CLOCK: variants seen among roughly 807,000 people sequenced by gnomAD.
The protein encoded by CLOCK is circadian locomoter output cycles protein kaput.
Under a neutral mutation model 118.4 loss-of-function variants are expected in CLOCK, and 43 were observed. The observed-to-expected ratio is 0.36, with a 90% confidence interval of 0.28 to 0.47. The LOEUF is 0.47. Among genes scored for constraint, CLOCK ranks in the 20% least tolerant of loss-of-function variants. The probability of loss-of-function intolerance (pLI) is 1.00; values close to 1 mark genes in which losing one functional copy is unlikely to be tolerated. For synonymous variants in CLOCK, 326 were observed against 339.2 expected (o/e 0.96, Z 0.43); for missense variants, 846 against 999.9 (o/e 0.85, Z 2.08).
chr4:55,512,365 G>A (rs1577831410), intron 1 of CLOCK, among the ~76,000 whole-genome samples: 1 of 143,408 alleles, frequency 7.0e-6, no homozygotes, highest in East Asian at 2.3e-4. Context: ...GCTTCTTGAG[G>A]TTTGTATATC....
At chr4:55,488,178 A>C (rs1727422883) in intron 3 of CLOCK, among the ~76,000 whole-genome samples, 2 of 152,132 alleles carry the variant, frequency 1.3e-5, no homozygotes, top group Non-Finnish European at 2.9e-5. Flanking sequence ...TTTATTAAAT[A>C]CCTTCTTTTC....
intron 2 of CLOCK, among the ~76,000 whole-genome samples, chr4:55,503,978 T>A (rs1431928062): frequency 0.013 from 930 of 70,714 alleles, no homozygotes; most frequent in Middle Eastern, 0.037. Flanking sequence ...CAAAAAGAGG[T>A]AAAAAAAAAA....
At chr4:55,459,031 G>A (rs768601258) in intron 10 of CLOCK, 21 bp from the exon 11 acceptor site, 5 of 1,578,832 alleles carry the variant, frequency 3.2e-6, no homozygotes, top group Middle Eastern at 1.7e-4. Context: ...AGGGAAATAT[G>A]TATCATCAGT....
chr4:55,521,892 A>G (rs1729867724), intron 1 of CLOCK, among the ~76,000 whole-genome samples: 1 of 152,250 alleles, frequency 6.6e-6, no homozygotes, highest in South Asian at 2.1e-4. Flanking sequence ...TAGCTACAAT[A>G]ATTTGAAGAA....
chr4:55,507,919 C>T (rs1186858571), intron 2 of CLOCK, among the ~76,000 whole-genome samples: 3 of 152,102 alleles, frequency 2.0e-5, no homozygotes, highest in African/African-American at 4.8e-5. Context: ...AGCAAACCAC[C>T]AAGACTCCTG....
intron 5 of CLOCK, among the ~76,000 whole-genome samples, chr4:55,479,421 A>G (rs1404287788): frequency 6.6e-6 from 1 of 152,154 alleles, no homozygotes; most frequent in African/African-American, 2.4e-5. Context: ...CAGATTTTCT[A>G]ATTCAGTTTC....
At chr4:55,493,662 T>C (rs1203225334) in intron 2 of CLOCK, among the ~76,000 whole-genome samples, 1 of 152,218 alleles carries the variant, frequency 6.6e-6, no homozygotes, top group Admixed American at 6.5e-5. Flanking sequence ...TAAACAGTGG[T>C]TCTCAATTTA....
At chr4:55,499,563 C>T (rs2109983369) in intron 2 of CLOCK, among the ~76,000 whole-genome samples, 1 of 152,362 alleles carries the variant, frequency 6.6e-6, no homozygotes, top group South Asian at 2.1e-4. Context: ...GAATCTAATG[C>T]TGCTACTGAT....
intron 11 of CLOCK, among the ~76,000 whole-genome samples, chr4:55,457,869 T>C (rs1398444060): frequency 2.0e-5 from 3 of 152,198 alleles, no homozygotes; most frequent in Non-Finnish European, 4.4e-5. Flanking sequence ...TAAGCCTGTT[T>C]CCTTATAATG....
chr4:55,503,925 T>C (rs1035144453), intron 2 of CLOCK, among the ~76,000 whole-genome samples: 2 of 145,704 alleles, frequency 1.4e-5, no homozygotes, highest in African/African-American at 2.5e-5. Context: ...TCAATTTTTC[T>C]TTATTACATT....
intron 1 of CLOCK, among the ~76,000 whole-genome samples, chr4:55,523,665 T>C (rs1010093028): frequency 6.6e-6 from 1 of 152,172 alleles, no homozygotes; most frequent in African/African-American, 2.4e-5. Context: ...AGGTTTCATA[T>C]ACATCTCTAA....
At chr4:55,537,397 T>C (rs1340970383) in intron 1 of CLOCK, among the ~76,000 whole-genome samples, 1 of 152,104 alleles carries the variant, frequency 6.6e-6, no homozygotes, top group African/African-American at 2.4e-5. Flanking sequence ...GGCAAGTGGA[T>C]TGCCTGAGCT....
At chr4:55,484,294 A>G (rs1727139885) in intron 3 of CLOCK, among the ~76,000 whole-genome samples, 1 of 152,040 alleles carries the variant, frequency 6.6e-6, no homozygotes. Context: ...GGCCTCAAGC[A>G]ATCCTGCCAC....
chr4:55,440,896 T>C (rs1723313183), intron 21 of CLOCK, among the ~76,000 whole-genome samples: 1 of 152,152 alleles, frequency 6.6e-6, no homozygotes, highest in South Asian at 2.1e-4. Context: ...GGCAAGTATC[T>C]CTGCCTTGGT....
At chr4:55,528,211 T>A (rs549097198) in intron 1 of CLOCK, among the ~76,000 whole-genome samples, 1 of 152,042 alleles carries the variant, frequency 6.6e-6, no homozygotes, top group Non-Finnish European at 1.5e-5. Context: ...CCAGGCCTGG[T>A]GGTGCATGCC....
chr4:55,511,654 T>C (rs1026524720), intron 1 of CLOCK, among the ~76,000 whole-genome samples: 1 of 151,926 alleles, frequency 6.6e-6, no homozygotes, highest in South Asian at 2.1e-4. Flanking sequence ...GGCTTCACTC[T>C]TAGTGCTGTA....
chr4:55,450,426 A>G (rs970671303), intron 15 of CLOCK, among the ~76,000 whole-genome samples, 194 bp from the exon 16 acceptor site: 2 of 152,212 alleles, frequency 1.3e-5, no homozygotes, highest in African/African-American at 2.4e-5. Context: ...TTTTCTATTT[A>G]AAGAAAGAGA....
At chr4:55,456,145 C>T in intron 12 of CLOCK, 73 bp downstream of exon 12, 1 of 1,365,400 alleles carries the variant, frequency 7.3e-7, no homozygotes, top group East Asian at 2.4e-5. Context: ...AAAAAGTTTG[C>T]CCTTGATCCA....
At chr4:55,508,265 T>C (rs969466000) in intron 2 of CLOCK, among the ~76,000 whole-genome samples, 2 of 152,206 alleles carry the variant, frequency 1.3e-5, no homozygotes, top group Non-Finnish European at 2.9e-5. Flanking sequence ...TATAGTAACA[T>C]TAAAACTTGG....
Sources: allele counts gnomAD v4.1 joint callset (sites outside exome capture counted in the v4.1 genomes callset), GRCh38; gene constraint gnomAD v4.1.1; transcripts MANE v1.5; gene names NCBI Gene and HGNC (gene_info 2026-07-23, HGNC 2026-07-21).